Variants in METTL15 observed in about 807,000 individuals in gnomAD.
The protein encoded by METTL15 is 12S rRNA N(4)-cytidine methyltransferase METTL15.
METTL15 carries 34 observed loss-of-function variants against 38.3 expected under a neutral mutation model. That is an observed-to-expected ratio of 0.89 (90% CI 0.68 to 1.18). METTL15 has a LOEUF of 1.18. Among genes scored for constraint, METTL15 ranks in the 50% most tolerant of loss-of-function variants. The pLI is 0.00. For synonymous variants in METTL15, 162 were observed against 170.9 expected (o/e 0.95, Z 0.41); for missense variants, 438 against 498.4 (o/e 0.88, Z 1.15).
chr11:28,336,932 C>T (rs746121659), downstream of METTL15, among the ~76,000 whole-genome samples: 1 of 152,058 alleles, frequency 6.6e-6, no homozygotes, highest in Non-Finnish European at 1.5e-5. Flanking sequence ...TAGGAGATGA[C>T]AGTTCTATGT....
At chr11:28,195,999 C>T (rs1407110432) in intron 3 of METTL15, among the ~76,000 whole-genome samples, 2 of 151,972 alleles carry the variant, frequency 1.3e-5, no homozygotes, top group African/African-American at 4.8e-5. Flanking sequence ...AGTTGAAGAT[C>T]AGTTGGTTGT....
At chr11:28,236,096 T>G (rs1853952800) in intron 4 of METTL15, among the ~76,000 whole-genome samples, 2 of 152,216 alleles carry the variant, frequency 1.3e-5, no homozygotes, top group African/African-American at 4.8e-5. Context: ...TCTGTGTATA[T>G]GCTGGATTAC....
At chr11:28,405,411 A>G (rs925844751) in intron 5 of METTL15, among the ~76,000 whole-genome samples, 2 of 152,112 alleles carry the variant, frequency 1.3e-5, no homozygotes, top group Admixed American at 1.3e-4. Flanking sequence ...TGGTTTTCCC[A>G]TTTGGCCTTA....
intron 3 of METTL15, among the ~76,000 whole-genome samples, chr11:28,120,201 C>T (rs951273073): frequency 6.6e-6 from 1 of 151,408 alleles, no homozygotes; most frequent in African/African-American, 2.4e-5. Flanking sequence ...ATCTGCCCGC[C>T]TCAGCCTCCC....
chr11:28,135,045 A>T (rs940265805), intron 3 of METTL15, among the ~76,000 whole-genome samples: 5 of 152,210 alleles, frequency 3.3e-5, no homozygotes, highest in African/African-American at 1.2e-4. Context: ...AGCTACAGCC[A>T]GTTATTGCTG....
chr11:28,123,145 G>A (rs904103292), intron 3 of METTL15, among the ~76,000 whole-genome samples: 1 of 152,034 alleles, frequency 6.6e-6, no homozygotes, highest in African/African-American at 2.4e-5. Flanking sequence ...GAAAGAAAAG[G>A]GAGAAACGAG....
In METTL15 at chr11:28,507,285, G is replaced by A. The variant is rs188329038; in HGVS notation, c.*425-19193G>A. On this transcript the variant is annotated intron_variant and NMD_transcript_variant, in intron 6 of 7. Transcript: ENST00000532947. The stretch of plus-strand genomic sequence containing the variant: ...TAGAAGGCCAAAGTGAAGCAGGCAT[G>A]TTTTACATGGCTGGAGAAGGAGGAA... 1.1e-3 allele frequency among the ~76,000 whole-genome samples: 174 copies of A among 152,292 alleles called. 1 individual carries two copies. The highest frequency in any genetic ancestry group is 3.9e-3 in the African/African-American group (163 of 41,566).
intron 5 of METTL15, among the ~76,000 whole-genome samples, chr11:28,414,799 A>G (rs945684897): frequency 2.0e-5 from 3 of 152,226 alleles, no homozygotes; most frequent in African/African-American, 7.2e-5. Flanking sequence ...CATCAAAATG[A>G]CTTTTGAAGT....
At chr11:28,321,350 A>G (rs566177556) in intron 6 of METTL15, among the ~76,000 whole-genome samples, 7 of 152,284 alleles carry the variant, frequency 4.6e-5, no homozygotes, top group African/African-American at 1.7e-4. Flanking sequence ...TGAAAATTGA[A>G]CTTAGAGCCC....
At chr11:28,228,270 A>G (rs1181040800) in intron 4 of METTL15, among the ~76,000 whole-genome samples, 3 of 151,878 alleles carry the variant, frequency 2.0e-5, no homozygotes, top group Non-Finnish European at 4.4e-5. Context: ...TCTTTTCCAT[A>G]TAACTCTGGA....
At chr11:28,369,374 C>T (rs1024567121) in intron 5 of METTL15, among the ~76,000 whole-genome samples, 1 of 151,846 alleles carries the variant, frequency 6.6e-6, no homozygotes, top group African/African-American at 2.4e-5. Context: ...GAATAGTGAG[C>T]TTATGTGAGG....
intron 3 of METTL15, among the ~76,000 whole-genome samples, chr11:28,148,094 T>G (rs1207454361): frequency 2.0e-5 from 3 of 151,954 alleles, no homozygotes; most frequent in Admixed American, 6.6e-5. Flanking sequence ...TACCAATTTC[T>G]TATTCTTTTG....
At chr11:28,326,359 A>G (rs1248867256) in intron 6 of METTL15, among the ~76,000 whole-genome samples, 1 of 152,034 alleles carries the variant, frequency 6.6e-6, no homozygotes, top group Non-Finnish European at 1.5e-5. Flanking sequence ...TGCATTCCTA[A>G]GATAACTCTG....
chr11:28,398,992 A>G (rs1850602993), intron 5 of METTL15: 1 of 151,942 alleles, frequency 6.6e-6, no homozygotes, highest in African/African-American at 2.4e-5. Context: ...TATAGCCAAG[A>G]CCATACTAAG....
intron 6 of METTL15, among the ~76,000 whole-genome samples, chr11:28,313,545 A>G (rs1425708099): frequency 6.6e-6 from 1 of 152,014 alleles, no homozygotes; most frequent in Non-Finnish European, 1.5e-5. Flanking sequence ...TTGTTAGGAA[A>G]TTAAAAAAAA....
chr11:28,430,902 G>T (rs1188269686), intron 6 of METTL15, among the ~76,000 whole-genome samples: 4 of 86,938 alleles, frequency 4.6e-5, no homozygotes, highest in African/African-American at 1.1e-4. Context: ...GGAGGGAGGT[G>T]GGGGGGTCAG....
intron 3 of METTL15, among the ~76,000 whole-genome samples, chr11:28,191,575 A>G (rs1434654392): frequency 6.6e-6 from 1 of 151,644 alleles, no homozygotes; most frequent in South Asian, 2.1e-4. Flanking sequence ...ATGGATATAA[A>G]TCTGTTGTAT....
At chr11:28,516,865 A>T (rs1564953961) in intron 6 of METTL15, 1 of 152,244 alleles carries the variant, frequency 6.6e-6, no homozygotes, top group Non-Finnish European at 1.5e-5. Context: ...GCCCATAGAC[A>T]TCTAAAGCAG....
intron 6 of METTL15, among the ~76,000 whole-genome samples, chr11:28,307,588 C>A (rs1857125826): frequency 6.6e-6 from 1 of 151,878 alleles, no homozygotes; most frequent in Non-Finnish European, 1.5e-5. Flanking sequence ...CTTTCCTATT[C>A]TTTTAAATGG....
Sources: gnomAD v4.1 joint callset for allele counts (sites outside exome capture counted in the v4.1 genomes callset) on GRCh38, gnomAD v4.1.1 for gene constraint, MANE v1.5 for transcripts, NCBI Gene and HGNC (gene_info 2026-07-23, HGNC 2026-07-21) for gene names.